EHBP1: variants seen among roughly 807,000 people sequenced by gnomAD.
EHBP1 encodes the protein EH domain-binding protein 1.
In EHBP1, 55 loss-of-function variants were observed where a neutral mutation model predicts 144.0. The observed-to-expected ratio is 0.38, with a 90% CI of 0.31 to 0.48. EHBP1 has a LOEUF of 0.48. EHBP1 is among the 20% of genes least tolerant of loss of function. EHBP1 has a pLI of 0.98. For synonymous variants in EHBP1, 469 were observed against 472.7 expected (o/e 0.99, Z 0.10); for missense variants, 1,200 against 1,364.2 (o/e 0.88, Z 1.90).
chr2:62,976,388 A>G (rs1193061303), intron 14 of EHBP1, among the ~76,000 whole-genome samples: 1 of 152,140 alleles, frequency 6.6e-6, no homozygotes, highest in Non-Finnish European at 1.5e-5. Context: ...CCCTAATGAT[A>G]TGTCACCAAG....
At chr2:63,014,442 CATAA>C (rs2060399872) in intron 19 of EHBP1, among the ~76,000 whole-genome samples, 1 of 152,040 alleles carries the variant, frequency 6.6e-6, no homozygotes, top group Non-Finnish European at 1.5e-5. Flanking sequence ...TTGTTTAGGG[CATAA>C]ATAACAACAT....
chr2:62,955,413 C>A, intron 13 of EHBP1, 104 bp from the exon 14 acceptor site: 2 of 1,091,774 alleles, frequency 1.8e-6, no homozygotes, highest in Non-Finnish European at 2.6e-6. Flanking sequence ...CAATCTTATT[C>A]ATAATCTCTA....
chr2:62,923,038 A>G (rs1027874483), intron 10 of EHBP1, among the ~76,000 whole-genome samples: 1 of 152,126 alleles, frequency 6.6e-6, no homozygotes, highest in Non-Finnish European at 1.5e-5. Context: ...CCCACCTCCT[A>G]TGAGCCAAGC....
intron 10 of EHBP1, among the ~76,000 whole-genome samples, chr2:62,916,918 T>C (rs1424447707): frequency 4.6e-5 from 7 of 151,506 alleles, no homozygotes; most frequent in African/African-American, 1.2e-4. Context: ...CAATATTACA[T>C]ATACTGTACA....
chr2:62,706,721 G>A (rs886343032), intron 1 of EHBP1, 176 bp from the exon 2 acceptor site: 1 of 155,598 alleles, frequency 6.4e-6, no homozygotes, highest in African/African-American at 2.4e-5. Flanking sequence ...TTCTTCCTTG[G>A]TGTCTTGCAT....
chr2:62,878,051 G>T (rs1478778605), intron 10 of EHBP1, among the ~76,000 whole-genome samples: 1 of 152,132 alleles, frequency 6.6e-6, no homozygotes, highest in Non-Finnish European at 1.5e-5. Context: ...CCAAAAGTTG[G>T]TTTTTTGAAA....
chr2:62,964,485 T>C (rs568467872), intron 14 of EHBP1, among the ~76,000 whole-genome samples: 1 of 152,336 alleles, frequency 6.6e-6, no homozygotes, highest in Admixed American at 6.5e-5. Context: ...TTTTTTAATG[T>C]TTCTTTTGTT....
chr2:62,682,658 T>A (rs1047774943), intron 1 of EHBP1, among the ~76,000 whole-genome samples: 1 of 152,204 alleles, frequency 6.6e-6, no homozygotes, highest in African/African-American at 2.4e-5. Flanking sequence ...AGACAGATGG[T>A]ACCAGCACAA....
chr2:62,816,587 G>A (rs1573504077), intron 5 of EHBP1, among the ~76,000 whole-genome samples: 1 of 152,292 alleles, frequency 6.6e-6, no homozygotes, highest in Non-Finnish European at 1.5e-5. Flanking sequence ...ACAAGAGACA[G>A]TTCTAAAATA....
chr2:62,859,325 T>C (rs769139679), intron 8 of EHBP1, 34 bp downstream of exon 8: 5 of 1,572,570 alleles, frequency 3.2e-6, no homozygotes, highest in Non-Finnish European at 4.3e-6. Flanking sequence ...AAAGTCTTTG[T>C]ATAGTCAAGT....
intron 1 of EHBP1, among the ~76,000 whole-genome samples, chr2:62,690,237 T>C (rs554215339): frequency 6.6e-6 from 1 of 152,194 alleles, no homozygotes; most frequent in South Asian, 2.1e-4. Flanking sequence ...GGAGTATATG[T>C]GTCTTTAAAA....
At chr2:62,756,457 T>C (rs1478466169) in intron 3 of EHBP1, among the ~76,000 whole-genome samples, 2 of 152,142 alleles carry the variant, frequency 1.3e-5, no homozygotes, top group Non-Finnish European at 2.9e-5. Context: ...TGATGCAGTA[T>C]GTTCATGTAT....
intron 7 of EHBP1, among the ~76,000 whole-genome samples, chr2:62,834,472 C>G (rs1002544700): frequency 1.3e-5 from 2 of 152,132 alleles, no homozygotes; most frequent in Non-Finnish European, 2.9e-5. Context: ...CCACCAACAC[C>G]AAAAAGATTA....
intron 2 of EHBP1, among the ~76,000 whole-genome samples, chr2:62,728,651 G>T (rs897932285): frequency 6.6e-6 from 1 of 150,736 alleles, no homozygotes; most frequent in Admixed American, 6.6e-5. Flanking sequence ...CACTTATCAG[G>T]TATGTGATTT....
chr2:63,044,286 C>T (rs972219004), intron 21 of EHBP1: 1 of 150,068 alleles, frequency 6.7e-6, no homozygotes, highest in Non-Finnish European at 1.5e-5. Flanking sequence ...AAAACGCCCC[C>T]CATCCATGGA....
chr2:62,985,403 A>G (rs1559026001), intron 15 of EHBP1, among the ~76,000 whole-genome samples: 1 of 152,204 alleles, frequency 6.6e-6, no homozygotes, highest in Admixed American at 6.5e-5. Context: ...ACTACTAATA[A>G]GTTATACCTA....
At chr2:63,025,994 T>C (rs1337332809) in intron 19 of EHBP1, among the ~76,000 whole-genome samples, 1 of 152,160 alleles carries the variant, frequency 6.6e-6, no homozygotes, top group Non-Finnish European at 1.5e-5. Context: ...GTTGATGGGT[T>C]TGGGTGCATT....
chr2:62,776,846 G>GT (rs1329727964), intron 5 of EHBP1, among the ~76,000 whole-genome samples: 1 of 152,074 alleles, frequency 6.6e-6, no homozygotes, highest in Non-Finnish European at 1.5e-5. Flanking sequence ...ACATTGTAGG[G>GT]TTTTTTAAAA....
chr2:62,731,552 C>G (rs951009620), intron 2 of EHBP1, among the ~76,000 whole-genome samples: 1 of 152,044 alleles, frequency 6.6e-6, no homozygotes, highest in African/African-American at 2.4e-5. Context: ...GGTAGACGTT[C>G]TTTATCAAGT....
Sources: gnomAD v4.1 joint callset for allele counts (sites outside exome capture counted in the v4.1 genomes callset) on GRCh38, gnomAD v4.1.1 for gene constraint, MANE v1.5 for transcripts, NCBI Gene and HGNC (gene_info 2026-07-23, HGNC 2026-07-21) for gene names.